The following DNAJC1 variants were observed in gnomAD, a reference collection of about 807,000 sequenced individuals.
DNAJC1 encodes the protein dnaJ homolog subfamily C member 1.
In DNAJC1, 58 loss-of-function variants were observed where a neutral mutation model predicts 76.6. The ratio of observed to expected loss-of-function variants is 0.76; its 90% CI spans 0.61 to 0.94. DNAJC1 has a LOEUF of 0.94. Among genes scored for constraint, DNAJC1 ranks in the 40% least tolerant of loss-of-function variants. The pLI is 0.00. For synonymous variants in DNAJC1, 258 were observed against 267.9 expected (o/e 0.96, Z 0.36); for missense variants, 689 against 677.3 (o/e 1.02, Z -0.19).
intron 9 of DNAJC1, among the ~76,000 whole-genome samples, chr10:21,781,987 G>A (rs1411513128): frequency 6.6e-6 from 1 of 151,908 alleles, no homozygotes. Context: ...CAAAACACTA[G>A]AGAAGCAAGA....
intron 1 of DNAJC1, among the ~76,000 whole-genome samples, chr10:21,988,166 C>A (rs1253842143): frequency 1.3e-5 from 2 of 152,018 alleles, no homozygotes; most frequent in East Asian, 3.8e-4. Flanking sequence ...GCTTTATTAT[C>A]AAAATTTCTT....
At chr10:21,827,806 T>C (rs1019757858) in intron 8 of DNAJC1, among the ~76,000 whole-genome samples, 2 of 152,252 alleles carry the variant, frequency 1.3e-5, no homozygotes, top group Non-Finnish European at 2.9e-5. Context: ...TTCAACCCAC[T>C]ATACATTGAT....
chr10:21,780,759 T>C (rs1834518030), intron 9 of DNAJC1, among the ~76,000 whole-genome samples: 2 of 152,146 alleles, frequency 1.3e-5, no homozygotes, highest in African/African-American at 4.8e-5. Flanking sequence ...TAACCTTAAA[T>C]GTAAATGGGC....
chr10:21,806,473 A>G (rs932396454), intron 8 of DNAJC1, among the ~76,000 whole-genome samples: 2 of 152,068 alleles, frequency 1.3e-5, no homozygotes, highest in Non-Finnish European at 2.9e-5. Flanking sequence ...CTGCTCATAA[A>G]TGCCTCACAT....
chr10:21,861,797 T>C (rs1835919274), intron 8 of DNAJC1, among the ~76,000 whole-genome samples: 1 of 152,114 alleles, frequency 6.6e-6, no homozygotes, highest in Non-Finnish European at 1.5e-5. Context: ...GCATGAATAA[T>C]CCACCCCTTG....
chr10:21,922,694 T>C (rs888279059), intron 3 of DNAJC1, among the ~76,000 whole-genome samples: 1 of 151,976 alleles, frequency 6.6e-6, no homozygotes, highest in African/African-American at 2.4e-5. Context: ...TAAAAAGGTT[T>C]CAAGTGCTCT....
chr10:21,993,100 T>C (rs1053973213), intron 1 of DNAJC1, among the ~76,000 whole-genome samples: 2 of 113,920 alleles, frequency 1.8e-5, no homozygotes, highest in Non-Finnish European at 3.7e-5. Context: ...TTTACATATA[T>C]ACTTTTATAT....
intron 1 of DNAJC1, among the ~76,000 whole-genome samples, chr10:21,951,739 T>G (rs1292189865): frequency 6.6e-6 from 1 of 152,212 alleles, no homozygotes; most frequent in Non-Finnish European, 1.5e-5. Flanking sequence ...TGTAGTGGCA[T>G]AATAGTTCCT....
At chr10:21,859,265 T>C (rs894137695) in intron 8 of DNAJC1, among the ~76,000 whole-genome samples, 1 of 152,184 alleles carries the variant, frequency 6.6e-6, no homozygotes, top group Non-Finnish European at 1.5e-5. Flanking sequence ...TGAAAGATTC[T>C]TGACATTTGA....
intron 8 of DNAJC1, among the ~76,000 whole-genome samples, chr10:21,852,834 C>A (rs1386803932): frequency 2.0e-5 from 3 of 151,654 alleles, no homozygotes; most frequent in African/African-American, 7.3e-5. Flanking sequence ...AATAAAGATA[C>A]ACACACAAAT....
At chr10:21,759,643 G>GAC in intron 10 of DNAJC1, 25 bp from the exon 11 acceptor site, 1 of 1,600,966 alleles carries the variant, frequency 6.2e-7, no homozygotes, top group Non-Finnish European at 8.5e-7. Context: ...GTGCCACACA[G>GAC]AGGTGAAGGG....
In DNAJC1 at chr10:21,837,952, C is replaced by T. The variant is rs555114645; in HGVS notation, c.979-31853G>A. Among the ~76,000 whole-genome samples the T allele has an allele frequency of 2.5e-3, 336 of 136,682 alleles. 2 individuals are homozygous for T. Among genetic ancestry groups the T allele is most frequent in the African/African-American group, 8.3e-3 (306 of 36,842 alleles). The allele number at this position is 136,682 out of a possible 152,430, so 89.7% of individuals were successfully genotyped here. On this transcript the variant is annotated intron_variant, in intron 8 of 11. Transcript: ENST00000376980. ...CCCCCGCCCGGCCAGCCGCCCCGGC[C>T]GGGAGGGAGGTGGGGGGCAGTCCCC...
rs570322871 is a variant in DNAJC1, at chr10:21,841,677, T to C, written c.979-35578A>G. 1.3e-4 allele frequency among the ~76,000 whole-genome samples: 20 copies of C among 152,274 alleles called. No homozygotes were observed. In the East Asian group the frequency reaches 3.7e-3, roughly 28 times the overall value. Reference sequence around the variant, plus strand: ...GTGGGACTGTAAACTAGTTCAACCATTGTGGAAGTCAGTGTGGCGATTCCT... The same window carrying C: ...GTGGGACTGTAAACTAGTTCAACCACTGTGGAAGTCAGTGTGGCGATTCCT... On this transcript the variant is annotated intron_variant, in intron 8 of 11. Transcript: ENST00000376980.
At chr10:21,834,250 C>T (rs1006715933) in intron 8 of DNAJC1, among the ~76,000 whole-genome samples, 2 of 151,794 alleles carry the variant, frequency 1.3e-5, no homozygotes, top group African/African-American at 4.8e-5. Context: ...GGCGACAGAG[C>T]AAGACTCCAT....
Position 21,835,454 on chromosome 10 carries a change from G to C in DNAJC1, c.979-29355C>G, listed in dbSNP as rs186082544. On this transcript the variant is annotated intron_variant, in intron 8 of 11. Coordinates refer to ENST00000376980, the MANE Select transcript of DNAJC1 (RefSeq NM_022365.4). ...TCCAAAGGAATGCAGCTCCTCACCA[G>C]CAAGGGAACAAAGCTGGATGGAGAA... Among the ~76,000 whole-genome samples the C allele has an allele frequency of 3.3e-5, 5 of 152,320 alleles. No homozygotes were observed. In the East Asian group the frequency reaches 9.6e-4, roughly 29 times the overall value.
At chr10:22,002,484 A>G (rs1371242436) in intron 1 of DNAJC1, among the ~76,000 whole-genome samples, 1 of 152,200 alleles carries the variant, frequency 6.6e-6, no homozygotes, top group Non-Finnish European at 1.5e-5. Context: ...AAGGGGAAAA[A>G]AAAACCCATT....
chr10:21,782,502 A>G (rs935805406), intron 9 of DNAJC1, among the ~76,000 whole-genome samples: 2 of 152,218 alleles, frequency 1.3e-5, no homozygotes, highest in African/African-American at 4.8e-5. Context: ...AACAGAAGGA[A>G]TCCATTCCAA....
At chr10:21,946,977 C>T (rs1837516096) in intron 1 of DNAJC1, among the ~76,000 whole-genome samples, 1 of 152,172 alleles carries the variant, frequency 6.6e-6, no homozygotes, top group African/African-American at 2.4e-5. Context: ...CTCTTGCTCT[C>T]TCTCATGCCA....
At chr10:21,848,065 T>G (rs1416654608) in intron 8 of DNAJC1, among the ~76,000 whole-genome samples, 1 of 152,188 alleles carries the variant, frequency 6.6e-6, no homozygotes, top group African/African-American at 2.4e-5. Flanking sequence ...ATACTCACTT[T>G]CTCACCAACA....
Sources: allele counts gnomAD v4.1 joint callset (sites outside exome capture counted in the v4.1 genomes callset), GRCh38; gene constraint gnomAD v4.1.1; transcripts MANE v1.5; gene names NCBI Gene and HGNC (gene_info 2026-07-23, HGNC 2026-07-21).